Variants in ZNF33B observed in about 807,000 individuals in gnomAD.
ZNF33B encodes the protein zinc finger protein 11b (KOX 2).
ZNF33B carries 29 observed loss-of-function variants against 45.8 expected under a neutral mutation model. That is an observed-to-expected ratio of 0.63 (90% CI 0.47 to 0.86). The LOEUF (loss-of-function observed/expected upper bound fraction) is 0.86. ZNF33B is among the 40% of genes least tolerant of loss of function. The pLI, the probability that ZNF33B is intolerant of heterozygous loss-of-function variation, is 0.00. For missense variants in ZNF33B, 831 were observed against 909.9 expected (o/e 0.91, Z 1.12); for synonymous variants, 305 against 307.8 (o/e 0.99, Z 0.10).
chr10:42,578,716 C>A (rs1836782926), intron 1 of ZNF33B: 1 of 152,292 alleles, frequency 6.6e-6, no homozygotes, highest in African/African-American at 2.4e-5. Flanking sequence ...ACATCCAGTC[C>A]CAGGACAAAG....
chr10:42,610,096 G>A (rs1245270374), intron 4 of ZNF33B, among the ~76,000 whole-genome samples: 1 of 151,994 alleles, frequency 6.6e-6, no homozygotes, highest in African/African-American at 2.4e-5. Flanking sequence ...AAAAAAAAGT[G>A]GAACTATATG....
chr10:42,633,192 C>A (rs916638443), intron 2 of ZNF33B, among the ~76,000 whole-genome samples: 11 of 152,124 alleles, frequency 7.2e-5, no homozygotes, highest in African/African-American at 2.7e-4. Flanking sequence ...GGGTTCTAAT[C>A]CTTTAATTCA....
intron 4 of ZNF33B, among the ~76,000 whole-genome samples, chr10:42,608,632 A>G (rs1273184026): frequency 1.3e-5 from 2 of 152,204 alleles, no homozygotes; most frequent in Non-Finnish European, 2.9e-5. Context: ...TATGGAACAC[A>G]GATAAAGCAA....
intron 4 of ZNF33B, among the ~76,000 whole-genome samples, chr10:42,609,545 A>G (rs1414939202): frequency 2.0e-5 from 3 of 152,214 alleles, no homozygotes; most frequent in African/African-American, 7.2e-5. Context: ...AAAAACTCCA[A>G]GAAAATAAGA....
chr10:42,602,077 C>T (rs975094050), intron 4 of ZNF33B, among the ~76,000 whole-genome samples: 4 of 151,776 alleles, frequency 2.6e-5, no homozygotes, highest in South Asian at 2.1e-4. Context: ...CACCACCACA[C>T]CCAGCTAATT....
At chr10:42,613,848 G>C (rs1838201112) in intron 4 of ZNF33B, among the ~76,000 whole-genome samples, 1 of 152,156 alleles carries the variant, frequency 6.6e-6, no homozygotes, top group Admixed American at 6.6e-5. Flanking sequence ...CCCTATCTTG[G>C]TTTCTAATAC....
At position 42,611,322 on chromosome 10, in the gene ZNF33B, C is replaced by T. The variant is rs576637738; in HGVS notation, c.251-16623G>A. 1.1e-4 allele frequency among the ~76,000 whole-genome samples: 16 copies of T among 151,686 alleles called. No individual in the cohort carries two copies. In the East Asian group the frequency reaches 2.5e-3, roughly 24 times the overall value. On this transcript the variant is annotated intron_variant, in intron 4 of 4. Coordinates refer to ENST00000359467, the MANE Select transcript of ZNF33B (RefSeq NM_006955.3). ...TGCCACTGCACTCCAGCCTGGGTGACGGAGTGAGACTCCGTCTCAAAAAAA... is the reference window on the plus strand; with the variant it reads ...TGCCACTGCACTCCAGCCTGGGTGATGGAGTGAGACTCCGTCTCAAAAAAA...
chr10:42,629,521 T>C (rs1399827832), intron 4 of ZNF33B, among the ~76,000 whole-genome samples: 2 of 152,206 alleles, frequency 1.3e-5, no homozygotes, highest in African/African-American at 4.8e-5. Context: ...AATGTGATTA[T>C]TACACGTTGT....
chr10:42,610,345 G>A lies in ZNF33B; in HGVS notation c.251-15646C>T, dbSNP rs192831761. On this transcript the variant is annotated intron_variant, in intron 4 of 4. Transcript: ENST00000359467. ...GATGTCAGGAGGTTGAGACCAGCCC[G>A]GCCAACATGGTGAAACCCTGTCTCT... Among the ~76,000 whole-genome samples the A allele has an allele frequency of 9.6e-4, 146 of 152,208 alleles. 1 individual carries two copies. The highest frequency in any genetic ancestry group is 2.8e-4 in the Non-Finnish European group (19 of 68,002).
At chr10:42,612,513 G>A (rs532474452) in intron 4 of ZNF33B, among the ~76,000 whole-genome samples, 4 of 152,128 alleles carry the variant, frequency 2.6e-5, no homozygotes, top group Non-Finnish European at 5.9e-5. Context: ...TGGGATTACA[G>A]GCGTAATCCA....
chr10:42,635,171 G>A (rs540254163), intron 2 of ZNF33B, among the ~76,000 whole-genome samples: 1 of 151,918 alleles, frequency 6.6e-6, no homozygotes, highest in African/African-American at 2.4e-5. Context: ...AGCCCTGAAG[G>A]CAGAGGCTGC....
intron 4 of ZNF33B, chr10:42,605,387 C>T (rs941353075): frequency 2.0e-5 from 3 of 151,694 alleles, no homozygotes; most frequent in Non-Finnish European, 4.4e-5. Flanking sequence ...TAACATATGA[C>T]TTCTCTTCAG....
At chr10:42,620,702 T>C (rs1337935340) in intron 4 of ZNF33B, among the ~76,000 whole-genome samples, 1 of 151,946 alleles carries the variant, frequency 6.6e-6, no homozygotes, top group Non-Finnish European at 1.5e-5. Context: ...TCAGAATAGA[T>C]TTTTTTAAAA....
At chr10:42,613,377 A>G (rs1160770615) in intron 4 of ZNF33B, among the ~76,000 whole-genome samples, 4 of 152,082 alleles carry the variant, frequency 2.6e-5, no homozygotes, top group African/African-American at 9.6e-5. Flanking sequence ...GCAAAATCCC[A>G]TCTCTACTAA....
At chr10:42,587,009 T>C (rs1836949146), downstream of ZNF33B, among the ~76,000 whole-genome samples, 1 of 152,050 alleles carries the variant, frequency 6.6e-6, no homozygotes, top group Non-Finnish European at 1.5e-5. Context: ...TGTTTCCTCT[T>C]GAGGGGAGTG....
chr10:42,604,436 C>T (rs776841475), intron 4 of ZNF33B, among the ~76,000 whole-genome samples: 3 of 151,776 alleles, frequency 2.0e-5, no homozygotes, highest in Non-Finnish European at 4.4e-5. Context: ...CACAGCAAGA[C>T]TGTATCAAAA....
At chr10:42,600,055 C>CATAT (rs1564504464) in intron 4 of ZNF33B, among the ~76,000 whole-genome samples, 4 of 152,084 alleles carry the variant, frequency 2.6e-5, no homozygotes, top group African/African-American at 9.6e-5. Context: ...AGAAAATACT[C>CATAT]TATATGACTT....
intron 1 of ZNF33B, among the ~76,000 whole-genome samples, chr10:42,583,907 AG>A (rs1441531784): frequency 1.3e-5 from 2 of 152,194 alleles, no homozygotes; most frequent in African/African-American, 4.8e-5. Context: ...CTCAGCCCCC[AG>A]GCCAGAGCAG....
At chr10:42,638,307 A>C (rs1421785797) in intron 1 of ZNF33B, among the ~76,000 whole-genome samples, 167 bp downstream of exon 1, 1 of 152,264 alleles carries the variant, frequency 6.6e-6, no homozygotes, top group African/African-American at 2.4e-5. Flanking sequence ...TGCGCCTTAG[A>C]GGAACTGGCG....
Sources: allele counts gnomAD v4.1 joint callset (sites outside exome capture counted in the v4.1 genomes callset), GRCh38; gene constraint gnomAD v4.1.1; transcripts MANE v1.5; gene names NCBI Gene and HGNC (gene_info 2026-07-23, HGNC 2026-07-21).